CELA3B: variants seen among roughly 807,000 people sequenced by gnomAD.
CELA3B encodes chymotrypsin-like elastase family member 3B.
A neutral mutation model predicts 37.2 loss-of-function variants in CELA3B; 34 were observed. That is an observed-to-expected ratio of 0.91 (90% confidence interval 0.70 to 1.22). CELA3B has a LOEUF of 1.22. Ranked by LOEUF, CELA3B falls within the 50% of genes most tolerant of loss-of-function variation. The probability of loss-of-function intolerance (pLI) is 0.00; values close to 1 mark genes in which losing one functional copy is unlikely to be tolerated. For synonymous variants in CELA3B, 127 were observed against 143.5 expected (o/e 0.89, Z 0.82); for missense variants, 340 against 363.1 (o/e 0.94, Z 0.52).
intron 4 of CELA3B, among the ~76,000 whole-genome samples, chr1:21,982,769 C>G (rs1308834582): frequency 1.3e-5 from 2 of 152,008 alleles, no homozygotes; most frequent in Non-Finnish European, 2.9e-5. Flanking sequence ...GCTCTGCCTT[C>G]CAGGTTCACA....
At chr1:21,997,511 A>C (rs543062522) in intron 4 of CELA3B, among the ~76,000 whole-genome samples, 1 of 150,828 alleles carries the variant, frequency 6.6e-6, no homozygotes, top group African/African-American at 2.5e-5. Flanking sequence ...AATGTGGTGA[A>C]ACCCTGCCTC....
At chr1:21,977,192 G>A (rs1379506798) in intron 1 of CELA3B, 110 bp downstream of exon 1, 7 of 1,520,288 alleles carry the variant, frequency 4.6e-6, no homozygotes, top group African/African-American at 1.4e-5. Context: ...TTCCACAGGA[G>A]GGGGTCTCAG....
chr1:21,998,530 T>G, exon 5 of CELA3B: 1 of 185,734 alleles, frequency 5.4e-6, no homozygotes, highest in Non-Finnish European at 1.2e-5. Context: ...GCATCCTGCA[T>G]GAATATCAGG....
downstream of CELA3B, among the ~76,000 whole-genome samples, chr1:21,993,258 C>G (rs182547539): frequency 3.8e-4 from 57 of 151,138 alleles, 4 homozygotes; most frequent in African/African-American, 1.3e-3. Flanking sequence ...GTCAGGAGTT[C>G]GAGACCAGAC....
chr1:21,995,055 C>G (rs935629038), intron 4 of CELA3B, among the ~76,000 whole-genome samples: 5 of 146,768 alleles, frequency 3.4e-5, no homozygotes, highest in African/African-American at 1.3e-4. Context: ...GCAGAGTGTC[C>G]TGTTGTTTGC....
At chr1:21,978,482 C>G in intron 2 of CELA3B, 28 bp downstream of exon 2, 1 of 1,610,514 alleles carries the variant, frequency 6.2e-7, no homozygotes, top group Non-Finnish European at 8.5e-7. Flanking sequence ...TGCCCTCATT[C>G]CCACCGTGGG....
Position 21,978,249 on chromosome 1 carries a change from C to T in CELA3B, c.44-120C>T, listed in dbSNP as rs1248926810. On this transcript the variant is annotated intron_variant, in intron 1 of 7. Transcript: ENST00000337107. The stretch of plus-strand genomic sequence containing the variant: ...TATGTGGTTACTGAGGTCCAGAGGG[C>T]GAAAGGGGCTTGCATGGGGTCACAC... The T allele has an allele frequency of 2.8e-5, 27 of 978,850 alleles. No homozygotes were observed. In the East Asian group the frequency reaches 3.6e-4, roughly 13 times the overall value. 60.6% of individuals were successfully genotyped at this position (978,850 alleles called of 1,614,324 possible). A position where few individuals can be genotyped will look rare whatever the true frequency, so the allele number is the denominator to read the frequency against.
rs538284070 is a variant in CELA3B at position 21,994,461 on chromosome 1, C to G, written c.505-3690C>G. Among the ~76,000 whole-genome samples, 72 of 150,986 alleles carry G rather than the reference C, an allele frequency of 4.8e-4. 4 individuals carry two copies. Among genetic ancestry groups the G allele is most frequent in the African/African-American group, 1.7e-3 (69 of 40,770 alleles). The stretch of plus-strand genomic sequence containing the variant: ...TCCCACATCTTCCCTGCTGGCTTCT[C>G]TGCACCTCCCTCACCGAGACAGCCA... On this transcript the variant is annotated intron_variant, in intron 4 of 4. Transcript: ENST00000400277.
chr1:21,984,423 C>T, intron 6 of CELA3B, 92 bp downstream of exon 6: 2 of 1,520,326 alleles, frequency 1.3e-6, no homozygotes, highest in South Asian at 1.3e-5. Context: ...AGGATCTTGC[C>T]TGCTTGCCCC....
Position 21,987,154 on chromosome 1 carries a change from A to AG in CELA3B, c.795+471_795+472insG, listed in dbSNP as rs1491220758. ...TAATAGCTAAACAAAAAAAAAAAAG[A>AG]AAAAAAAAAAGAGTAATAGCTGGGC... On this transcript the variant is annotated intron_variant, in intron 7 of 7. Coordinates refer to ENST00000337107, the MANE Select transcript of CELA3B (RefSeq NM_007352.4). 75 of 15,484 alleles carry AG rather than the reference A, an allele frequency of 4.8e-3. 3 individuals carry two copies. The highest frequency in any genetic ancestry group is 0.013 in the South Asian group (18 of 1,358). The allele number at this position is 15,484 out of a possible 1,614,324, so 1.0% of individuals were successfully genotyped here. A position where few individuals can be genotyped will look rare whatever the true frequency, so the allele number is the denominator to read the frequency against.
rs772808903 is a variant in CELA3B at position 21,978,405 on chromosome 1, G to C, written c.80G>C (p.Ser27Thr). The change falls in exon 2 of 8, where the codon AGC becomes ACC. Residue 27 changes from serine to threonine, a missense_variant. Ser to Thr is a moderately conservative substitution (Grantham distance 58, BLOSUM62 1). Transcript: ENST00000337107. ...GGCCCACCTTCCTCTCGCCCTTCCAGCCGCGTTGTCAATGGTGAGGATGCG... is the reference window on the plus strand; with the variant it reads ...GGCCCACCTTCCTCTCGCCCTTCCACCCGCGTTGTCAATGGTGAGGATGCG... ...GYGPPSSRPS[S>T]RVVNGEDAVP... 1.4e-5 allele frequency: 22 copies of C among 1,614,060 alleles called. No homozygotes were observed. Among genetic ancestry groups the C allele is most frequent in the South Asian group, 6.6e-5 (6 of 91,060 alleles).
intron 6 of CELA3B, among the ~76,000 whole-genome samples, chr1:21,984,566 G>C (rs12122466): frequency 0.71 from 107,332 of 151,748 alleles, 38,562 homozygotes; most frequent in Middle Eastern, 0.83. Flanking sequence ...AAGTCACTGT[G>C]TCTCCCTGGT....
intron 5 of CELA3B, 60 bp from the exon 6 acceptor site, chr1:21,984,129 C>T: frequency 1.3e-6 from 2 of 1,564,340 alleles, no homozygotes; most frequent in Admixed American, 1.8e-5. Context: ...TGCCCCCTTC[C>T]TCTGGGGCTC....
chr1:21,988,831 G>A (rs1258971393), intron 7 of CELA3B, among the ~76,000 whole-genome samples: 13 of 150,240 alleles, frequency 8.7e-5, no homozygotes, highest in Non-Finnish European at 1.8e-4. Flanking sequence ...TGGAGGTTGC[G>A]GTGAGCTGAG....
intron 6 of CELA3B, among the ~76,000 whole-genome samples, chr1:21,985,115 C>CA (rs1011687995): frequency 3.3e-5 from 5 of 149,768 alleles, no homozygotes; most frequent in Admixed American, 6.7e-5. Flanking sequence ...TGCCCATCTA[C>CA]AAAAAAAACT....
At chr1:21,982,388 A>G (rs1288307006) in intron 4 of CELA3B, among the ~76,000 whole-genome samples, 1 of 151,844 alleles carries the variant, frequency 6.6e-6, no homozygotes. Flanking sequence ...TGAGCTCAGG[A>G]GTTTGTGACC....
chr1:21,980,509 G>T (rs1644797745), intron 2 of CELA3B, among the ~76,000 whole-genome samples: 2 of 151,218 alleles, frequency 1.3e-5, no homozygotes, highest in South Asian at 2.1e-4. Context: ...GGCGAGGGGT[G>T]CGTGATAGAA....
At chr1:21,997,096 A>ACGCCT (rs1448468839) in intron 4 of CELA3B, among the ~76,000 whole-genome samples, 1 of 151,328 alleles carries the variant, frequency 6.6e-6, no homozygotes, top group Non-Finnish European at 1.5e-5. Context: ...GTGGTGGCTC[A>ACGCCT]CGCCTGTAAT....
rs545824443 is a variant in CELA3B, at chr1:21,996,640, C to T, written c.505-1511C>T. Among the ~76,000 whole-genome samples, 205 of 151,362 alleles carry T rather than the reference C, an allele frequency of 1.4e-3. 8 individuals carry two copies. The highest frequency in any genetic ancestry group is 4.8e-3 in the African/African-American group (197 of 40,944). On this transcript the variant is annotated intron_variant, in intron 4 of 4. Coordinates refer to the CELA3B transcript ENST00000400277. ...CGAACTCGCCCTGAATTCTTTCTTG[C>T]ACAAGATCCAAGAACCCTCTCTTGG...
Sources: allele counts gnomAD v4.1 joint callset (sites outside exome capture counted in the v4.1 genomes callset), GRCh38; gene constraint gnomAD v4.1.1; transcripts MANE v1.5; gene names NCBI Gene and HGNC (gene_info 2026-07-23, HGNC 2026-07-21).